Variants in HIRA observed in about 807,000 individuals in gnomAD.
HIRA encodes the protein protein HIRA.
Under a neutral mutation model 126.6 loss-of-function variants are expected in HIRA, and 13 were observed. That is an observed-to-expected ratio of 0.10 (90% confidence interval 0.07 to 0.16). HIRA has a LOEUF of 0.16. Ranked by LOEUF, HIRA falls within the 10% of genes least tolerant of loss-of-function variation. HIRA has a pLI of 1.00. For missense variants in HIRA, 834 were observed against 1,314.4 expected, an observed-to-expected ratio of 0.63 and a Z score of 5.65; for synonymous variants, 511 against 520.0, an observed-to-expected ratio of 0.98 and a Z score of 0.24.
intron 17 of HIRA, among the ~76,000 whole-genome samples, chr22:19,360,181 G>T (rs546970597): frequency 6.6e-6 from 1 of 152,172 alleles, no homozygotes; most frequent in Non-Finnish European, 1.5e-5. Context: ...CCACTCAAGT[G>T]GGTGAGCTGG....
chr22:19,342,477 C>A (rs901546952), intron 24 of HIRA, among the ~76,000 whole-genome samples: 1 of 152,138 alleles, frequency 6.6e-6, no homozygotes, highest in African/African-American at 2.4e-5. Flanking sequence ...ACCTCTGCCT[C>A]CTGGGTTCAA....
chr22:19,344,027 T>G (rs900542050), intron 24 of HIRA, among the ~76,000 whole-genome samples: 6 of 151,948 alleles, frequency 3.9e-5, no homozygotes, highest in African/African-American at 1.5e-4. Flanking sequence ...AACACACTAT[T>G]AAACAAAGTG....
intron 13 of HIRA, among the ~76,000 whole-genome samples, chr22:19,380,883 C>T (rs1298459479): frequency 1.3e-5 from 2 of 152,178 alleles, no homozygotes; most frequent in Non-Finnish European, 2.9e-5. Context: ...CTCGGCCTCC[C>T]AAAGTGCTGA....
intron 10 of HIRA, among the ~76,000 whole-genome samples, chr22:19,388,053 T>G (rs2089143669): frequency 6.6e-6 from 1 of 152,128 alleles, no homozygotes; most frequent in Non-Finnish European, 1.5e-5. Flanking sequence ...AATATCTCCT[T>G]TACCATATGT....
Position 19,368,493 on chromosome 22 carries a change from A to T in HIRA, c.1776-6562T>A, listed in dbSNP as rs147595917. On this transcript the variant is annotated intron_variant, in intron 15 of 24. Coordinates refer to ENST00000263208, the MANE Select transcript of HIRA (RefSeq NM_003325.4). ...AGAGCTTGTTTTACTATGTTGTAAA[A>T]ATCAGATCATGTACATTTTCATATT... Among the ~76,000 whole-genome samples the T allele has an allele frequency of 1.8e-3, 274 of 152,260 alleles. 5 individuals are homozygous for T. The highest frequency in any genetic ancestry group is 0.013 in the Admixed American group (193 of 15,292).
chr22:19,428,919 C>G (rs183668925), intron 1 of HIRA, among the ~76,000 whole-genome samples: 88 of 152,312 alleles, frequency 5.8e-4, no homozygotes, highest in Non-Finnish European at 9.1e-4. Flanking sequence ...AGGCTTCCGG[C>G]TGAGCAGCCC....
At chr22:19,375,898 C>T (rs1173797905) in intron 14 of HIRA, 106 bp from the exon 15 acceptor site, 15 of 1,163,518 alleles carry the variant, frequency 1.3e-5, no homozygotes, top group South Asian at 1.5e-5. Context: ...AAATATCAAA[C>T]TTCCATAAAC....
At chr22:19,428,476 C>T (rs1218176445) in intron 1 of HIRA, among the ~76,000 whole-genome samples, 2 of 152,168 alleles carry the variant, frequency 1.3e-5, no homozygotes, top group Non-Finnish European at 2.9e-5. Context: ...GAAACCCTAC[C>T]TTAGAGGTGT....
intron 1 of HIRA, among the ~76,000 whole-genome samples, chr22:19,411,589 C>A (rs2089352860): frequency 6.6e-6 from 1 of 152,244 alleles, no homozygotes; most frequent in Non-Finnish European, 1.5e-5. Context: ...CTGTTGAGTT[C>A]ATCACATCTT....
intron 1 of HIRA, among the ~76,000 whole-genome samples, chr22:19,418,618 ACT>A (rs1462278423): frequency 5.9e-5 from 9 of 151,666 alleles, no homozygotes; most frequent in South Asian, 2.1e-4. Context: ...ACAGAGCGAG[ACT>A]CTGTCTCAAA....
chr22:19,347,504 T>C (rs2088699942), intron 24 of HIRA, among the ~76,000 whole-genome samples: 1 of 152,094 alleles, frequency 6.6e-6, no homozygotes, highest in Non-Finnish European at 1.5e-5. Context: ...GGTGGACAAA[T>C]AGCAGCAAAC....
At chr22:19,381,076 A>C (rs2146214199) in intron 13 of HIRA, among the ~76,000 whole-genome samples, 1 of 152,238 alleles carries the variant, frequency 6.6e-6, no homozygotes, top group East Asian at 1.9e-4. Context: ...TATTTCTTTG[A>C]GTTTTCTTTG....
intron 9 of HIRA, among the ~76,000 whole-genome samples, chr22:19,391,172 A>G (rs2089177738): frequency 6.6e-6 from 1 of 152,236 alleles, no homozygotes; most frequent in Non-Finnish European, 1.5e-5. Flanking sequence ...TATAAGGAAT[A>G]AAATACTGTT....
At position 19,405,809 on chromosome 22, in the gene HIRA, G is replaced by T; in HGVS notation, c.374C>A (p.Ser125Tyr). The change falls in exon 5 of 25, where the codon TCT (serine) becomes TAT (tyrosine). Residue 125 changes from serine (S) to tyrosine (Y), a missense_variant. By Grantham distance (144) the Ser-to-Tyr change is moderately radical. Transcript: ENST00000263208. The part of the protein sequence containing the change: ...LANVEQWRCV[S>Y]ILRNHSGDVM... ...ACCGCCTGAATGATTCCGGAGGATAGAGACACACCGCCACTGCTCCACATT... is the reference window on the plus strand; with the variant it reads ...ACCGCCTGAATGATTCCGGAGGATATAGACACACCGCCACTGCTCCACATT... 1 of 1,490,136 alleles carries T rather than the reference G, an allele frequency of 6.7e-7. No individual in the cohort carries two copies. The highest frequency in any genetic ancestry group is 9.0e-7 in the Non-Finnish European group (1 of 1,112,452). 92.3% of individuals were successfully genotyped at this position (1,490,136 alleles called of 1,614,324 possible). A position where few individuals can be genotyped will look rare whatever the true frequency, so the allele number is the denominator to read the frequency against.
intron 16 of HIRA, 94 bp from the exon 17 acceptor site, chr22:19,361,435 G>T: frequency 9.5e-7 from 1 of 1,057,812 alleles, no homozygotes; most frequent in Non-Finnish European, 1.4e-6. Context: ...CTGAGCCTGC[G>T]ACCAGAGCAT....
chr22:19,405,997 G>A (rs1321964466), intron 4 of HIRA, 117 bp from the exon 5 acceptor site: 1 of 511,542 alleles, frequency 2.0e-6, no homozygotes, highest in Non-Finnish European at 3.2e-6. Context: ...AACAAGAACT[G>A]GAAAGCACTG....
intron 11 of HIRA, among the ~76,000 whole-genome samples, chr22:19,387,136 G>C (rs1347511349): frequency 2.0e-5 from 3 of 152,214 alleles, no homozygotes; most frequent in Admixed American, 2.0e-4. Context: ...AGAGCACAGA[G>C]GGGAGGCAGC....
At chr22:19,421,068 C>T (rs887637146) in intron 1 of HIRA, among the ~76,000 whole-genome samples, 3 of 152,094 alleles carry the variant, frequency 2.0e-5, no homozygotes, top group South Asian at 2.1e-4. Context: ...GAGGTCGAGG[C>T]GGGTGGATCA....
intron 24 of HIRA, among the ~76,000 whole-genome samples, chr22:19,342,172 A>G (rs189244578): frequency 6.6e-5 from 10 of 152,354 alleles, no homozygotes; most frequent in African/African-American, 2.4e-4. Flanking sequence ...AAAAGAAGAT[A>G]TACAAATGAC....
Sources: allele counts gnomAD v4.1 joint callset (sites outside exome capture counted in the v4.1 genomes callset), GRCh38; gene constraint gnomAD v4.1.1; transcripts MANE v1.5; gene names NCBI Gene and HGNC (gene_info 2026-07-23, HGNC 2026-07-21).